DDAH1: variants seen among roughly 807,000 people sequenced by gnomAD.
DDAH1 encodes N(G),N(G)-dimethylarginine dimethylaminohydrolase 1.
In DDAH1, 19 loss-of-function variants were observed where a neutral mutation model predicts 28.8. That is an observed-to-expected ratio of 0.66 (90% CI 0.46 to 0.97). The LOEUF (loss-of-function observed/expected upper bound fraction) is 0.97. Ranked by LOEUF, DDAH1 falls within the 50% of genes least tolerant of loss-of-function variation. DDAH1 has a pLI of 0.00. For synonymous variants in DDAH1, 153 were observed against 154.4 expected (o/e 0.99, Z 0.07); for missense variants, 326 against 375.9 (o/e 0.87, Z 1.10).
At chr1:85,518,279 C>T (rs1488716229) in intron 1 of DDAH1, among the ~76,000 whole-genome samples, 3 of 152,168 alleles carry the variant, frequency 2.0e-5, no homozygotes, top group African/African-American at 7.2e-5. Flanking sequence ...CATTAAACAA[C>T]ACAGACATTA....
At chr1:85,432,404 G>A (rs1032231210) in intron 1 of DDAH1, among the ~76,000 whole-genome samples, 3 of 152,174 alleles carry the variant, frequency 2.0e-5, no homozygotes, top group Non-Finnish European at 4.4e-5. Flanking sequence ...CACTAGAACA[G>A]AGATAATGCA....
At chr1:85,550,349 A>C (rs1054982070) in intron 1 of DDAH1, among the ~76,000 whole-genome samples, 18 of 152,154 alleles carry the variant, frequency 1.2e-4, no homozygotes, top group Admixed American at 1.2e-3. Context: ...GGTTCTGGTC[A>C]ATGGAGCAGC....
chr1:85,478,577 C>T (rs886617615), intron 2 of DDAH1, among the ~76,000 whole-genome samples: 1 of 152,150 alleles, frequency 6.6e-6, no homozygotes, highest in African/African-American at 2.4e-5. Flanking sequence ...AAAACCCACC[C>T]CCATGATTCA....
intron 1 of DDAH1, among the ~76,000 whole-genome samples, chr1:85,547,807 C>G (rs1316098609): frequency 1.3e-5 from 2 of 151,960 alleles, no homozygotes; most frequent in Non-Finnish European, 2.9e-5. Context: ...GAAGACAAGA[C>G]CAGAGGAAAT....
intron 1 of DDAH1, among the ~76,000 whole-genome samples, chr1:85,552,828 A>G (rs1164111396): frequency 6.6e-6 from 1 of 152,174 alleles, no homozygotes; most frequent in Non-Finnish European, 1.5e-5. Flanking sequence ...TATATTTTCC[A>G]AAGATGACCT....
At chr1:85,494,386 A>C (rs1218717201) in intron 2 of DDAH1, 1 of 152,192 alleles carries the variant, frequency 6.6e-6, no homozygotes, top group African/African-American at 2.4e-5. Flanking sequence ...AAGCAAAAAC[A>C]TGTTTTTCCT....
Position 85,321,067 on chromosome 1 carries a change from A to AAAAAAAAAC in DDAH1, c.*384_*385insGTTTTTTTT. On this transcript the variant is annotated 3_prime_UTR_variant, in exon 6 of 6. Coordinates refer to ENST00000284031, the MANE Select transcript of DDAH1 (RefSeq NM_012137.4). ...CACAGGAACCAAACATGATTCATGA[A>AAAAAAAAAC]AAAAAAAAAAAAAAAAAGCAAGCTT... 6.9e-6 allele frequency: 1 copy of AAAAAAAAAC among 144,180 alleles called. No individual in the cohort carries two copies. 8.9% of individuals were successfully genotyped at this position (144,180 alleles called of 1,614,324 possible). A position where few individuals can be genotyped will look rare whatever the true frequency, so the allele number is the denominator to read the frequency against.
intron 1 of DDAH1, among the ~76,000 whole-genome samples, chr1:85,441,108 A>G (rs764494944): frequency 2.0e-5 from 3 of 152,250 alleles, no homozygotes; most frequent in Non-Finnish European, 2.9e-5. Flanking sequence ...TGACAGATGC[A>G]GATAATAACA....
At chr1:85,559,162 T>C (rs1036919129) in intron 1 of DDAH1, among the ~76,000 whole-genome samples, 18 of 152,242 alleles carry the variant, frequency 1.2e-4, no homozygotes, top group South Asian at 8.3e-4. Flanking sequence ...GACCATTGCT[T>C]TTGAAATTGC....
At chr1:85,519,823 TA>T (rs1344958519) in intron 1 of DDAH1, among the ~76,000 whole-genome samples, 4 of 152,188 alleles carry the variant, frequency 2.6e-5, no homozygotes, top group African/African-American at 9.7e-5. Context: ...GATACATATT[TA>T]GTAAAATTAT....
intron 1 of DDAH1, among the ~76,000 whole-genome samples, chr1:85,536,881 T>C (rs1658295337): frequency 6.6e-6 from 1 of 150,416 alleles, no homozygotes; most frequent in Admixed American, 6.6e-5. Context: ...GGCAACACTA[T>C]TTACAATAGT....
chr1:85,347,713 A>G (rs1648955674), intron 4 of DDAH1, among the ~76,000 whole-genome samples: 1 of 152,208 alleles, frequency 6.6e-6, no homozygotes, highest in African/African-American at 2.4e-5. Flanking sequence ...ATGTATACAT[A>G]TATAACAAAC....
At chr1:85,424,399 G>C (rs1436980003) in intron 1 of DDAH1, among the ~76,000 whole-genome samples, 2 of 152,026 alleles carry the variant, frequency 1.3e-5, no homozygotes, top group African/African-American at 2.4e-5. Flanking sequence ...GGGAATGTGA[G>C]ACTAACATAC....
chr1:85,427,140 T>A (rs1653438547), intron 1 of DDAH1, among the ~76,000 whole-genome samples: 1 of 151,960 alleles, frequency 6.6e-6, no homozygotes, highest in South Asian at 2.1e-4. Context: ...CAAGCACACA[T>A]CAGGTGCCTT....
intron 1 of DDAH1, among the ~76,000 whole-genome samples, chr1:85,393,580 G>A (rs1057062350): frequency 6.6e-6 from 1 of 152,260 alleles, no homozygotes; most frequent in South Asian, 2.1e-4. Flanking sequence ...ATTTCTAAGG[G>A]CTTCTCTTTC....
In DDAH1 at chr1:85,500,163, C is replaced by CTTTCTTTCTCTT. The variant is rs1553142453; in HGVS notation, c.-122-3883_-122-3882insAAGAGAAAGAAA. ...CTTTCTTTCTTTTCTTTCTTTCTTT[C>CTTTCTTTCTCTT]TCTTTTTTCCTTCCTTCCTTCATCT... On this transcript the variant is annotated intron_variant, in intron 1 of 6. Transcript: ENST00000426972. Among the ~76,000 whole-genome samples the CTTTCTTTCTCTT allele has an allele frequency of 9.6e-4, 48 of 50,138 alleles. 1 individual carries two copies. The highest frequency in any genetic ancestry group is 2.8e-3 in the African/African-American group (46 of 16,692). 32.9% of individuals were successfully genotyped at this position (50,138 alleles called of 152,430 possible). A position where few individuals can be genotyped will look rare whatever the true frequency, so the allele number is the denominator to read the frequency against.
intron 2 of DDAH1, among the ~76,000 whole-genome samples, chr1:85,490,181 C>G (rs1218686423): frequency 6.6e-6 from 1 of 151,740 alleles, no homozygotes; most frequent in Non-Finnish European, 1.5e-5. Flanking sequence ...AATTTTGAGA[C>G]AGAAAAGAAG....
chr1:85,324,485 A>T (rs1024428272), intron 5 of DDAH1, among the ~76,000 whole-genome samples: 2 of 152,032 alleles, frequency 1.3e-5, no homozygotes, highest in African/African-American at 4.8e-5. Flanking sequence ...ACTTATTTGA[A>T]AATCTGAGTA....
At chr1:85,336,734 A>C (rs1234191946) in intron 4 of DDAH1, among the ~76,000 whole-genome samples, 4 of 152,132 alleles carry the variant, frequency 2.6e-5, no homozygotes, top group African/African-American at 9.6e-5. Context: ...AGGATCAATG[A>C]AACTAAAAGT....
Sources: gnomAD v4.1 joint callset for allele counts (sites outside exome capture counted in the v4.1 genomes callset) on GRCh38, gnomAD v4.1.1 for gene constraint, MANE v1.5 for transcripts, NCBI Gene and HGNC (gene_info 2026-07-23, HGNC 2026-07-21) for gene names.